Variants in BNC2 observed in about 807,000 individuals in gnomAD.
BNC2 encodes the protein zinc finger protein basonuclin-2.
In BNC2, 20 loss-of-function variants were observed where a neutral mutation model predicts 76.3. That is an observed-to-expected ratio of 0.26 (90% CI 0.18 to 0.38). The LOEUF is 0.38. BNC2 is among the 10% of genes least tolerant of loss of function. The pLI, the probability that BNC2 is intolerant of heterozygous loss-of-function variation, is 1.00. For synonymous variants in BNC2, 582 were observed against 514.8 expected (o/e 1.13, Z -1.77); for missense variants, 1,382 against 1,399.8 (o/e 0.99, Z 0.20).
intron 4 of BNC2, among the ~76,000 whole-genome samples, chr9:16,563,056 C>T (rs1683183393): frequency 6.6e-6 from 1 of 152,044 alleles, no homozygotes; most frequent in Admixed American, 6.6e-5. Context: ...GTGAACTCAG[C>T]TTTTTCTAAT....
intron 3 of BNC2, among the ~76,000 whole-genome samples, chr9:16,657,919 GC>G: frequency 6.6e-6 from 1 of 152,200 alleles, no homozygotes; most frequent in South Asian, 2.1e-4. Context: ...TGATGTTCCT[GC>G]TTTTTGTAAT....
chr9:16,612,232 C>A lies in BNC2; in HGVS notation c.331-29147G>T, dbSNP rs549280037. On this transcript the variant is annotated intron_variant, in intron 3 of 6. Coordinates refer to ENST00000380672, the MANE Select transcript of BNC2 (RefSeq NM_017637.6). Reference sequence around the variant, plus strand: ...ATGCAATCCTCCAGCCTGACTAGCCCCTTTCATTCACAAATAAACAATTAA... The same window carrying A: ...ATGCAATCCTCCAGCCTGACTAGCCACTTTCATTCACAAATAAACAATTAA... 3.3e-5 allele frequency among the ~76,000 whole-genome samples: 5 copies of A among 152,222 alleles called. No homozygotes were observed. In the East Asian group the frequency reaches 9.7e-4, roughly 29 times the overall value.
chr9:16,744,290 G>C (rs1824938045), intron 1 of BNC2, among the ~76,000 whole-genome samples: 1 of 152,062 alleles, frequency 6.6e-6, no homozygotes, highest in South Asian at 2.1e-4. Flanking sequence ...TTTTAAGGTT[G>C]AAAAATATTT....
At chr9:16,543,070 A>T (rs1289002314) in intron 5 of BNC2, among the ~76,000 whole-genome samples, 1 of 152,138 alleles carries the variant, frequency 6.6e-6, no homozygotes, top group African/African-American at 2.4e-5. Flanking sequence ...AGAAAAGGAC[A>T]CAGTAGCTCA....
chr9:16,522,584 G>C (rs1360165480), intron 5 of BNC2, among the ~76,000 whole-genome samples: 2 of 152,090 alleles, frequency 1.3e-5, no homozygotes, highest in Non-Finnish European at 2.9e-5. Context: ...ACTGAGACTT[G>C]ATAACCTGAA....
At chr9:16,597,337 A>G (rs1410796087) in intron 3 of BNC2, among the ~76,000 whole-genome samples, 2 of 152,164 alleles carry the variant, frequency 1.3e-5, no homozygotes, top group African/African-American at 4.8e-5. Flanking sequence ...TTTAAACACA[A>G]ACAGTCAAGC....
intron 1 of BNC2, among the ~76,000 whole-genome samples, chr9:16,842,205 T>A (rs933225855): frequency 2.0e-5 from 3 of 152,212 alleles, no homozygotes; most frequent in Non-Finnish European, 4.4e-5. Context: ...ATTTTTAGTA[T>A]CTTGCAAACT....
chr9:16,562,864 A>G (rs78595633), intron 4 of BNC2, among the ~76,000 whole-genome samples: 8,249 of 152,238 alleles, frequency 0.054, 800 homozygotes, highest in African/African-American at 0.19. Flanking sequence ...TATATATTAT[A>G]GTACATAATT....
intron 3 of BNC2, among the ~76,000 whole-genome samples, chr9:16,639,865 T>G (rs1587263976): frequency 1.3e-5 from 2 of 152,016 alleles, no homozygotes; most frequent in African/African-American, 4.8e-5. Context: ...AAGGCTTCAG[T>G]GAGCTATGAT....
intron 2 of BNC2, among the ~76,000 whole-genome samples, chr9:16,734,296 T>A (rs1426144389): frequency 6.6e-6 from 1 of 152,240 alleles, no homozygotes; most frequent in African/African-American, 2.4e-5. Context: ...ACGCCTATAT[T>A]CTATTGCTTA....
At chr9:16,845,460 A>G (rs139634486) in intron 1 of BNC2, among the ~76,000 whole-genome samples, 3,204 of 151,100 alleles carry the variant, frequency 0.021, 83 homozygotes, top group African/African-American at 0.059. Context: ...GGTGGCTCAC[A>G]CCTGTAATCC....
chr9:16,691,351 C>T (rs1221379344), intron 3 of BNC2, among the ~76,000 whole-genome samples: 1 of 152,142 alleles, frequency 6.6e-6, no homozygotes, highest in Non-Finnish European at 1.5e-5. Flanking sequence ...AGACAAAGTT[C>T]TCTCAATGAC....
intron 1 of BNC2, among the ~76,000 whole-genome samples, chr9:16,765,910 C>T (rs1043836843): frequency 6.6e-5 from 10 of 151,974 alleles, no homozygotes; most frequent in African/African-American, 1.2e-4. Context: ...CCTCAGCCTC[C>T]GGAGTAGCTG....
At chr9:16,609,785 T>C (rs1201621058) in intron 3 of BNC2, among the ~76,000 whole-genome samples, 1 of 152,152 alleles carries the variant, frequency 6.6e-6, no homozygotes, top group Non-Finnish European at 1.5e-5. Flanking sequence ...GACAAAACTG[T>C]TGCTCTTCCC....
At position 16,415,184 on chromosome 9, in the gene BNC2, C is replaced by A. The variant is rs917106556; in HGVS notation, c.*3805G>T. The A allele has an allele frequency of 6.6e-6, 1 of 152,306 alleles. No individual in the cohort carries two copies. The highest frequency in any genetic ancestry group is 2.4e-5 in the African/African-American group (1 of 41,450). The allele number at this position is 152,306 out of a possible 1,614,324, so 9.4% of individuals were successfully genotyped here. A position where few individuals can be genotyped will look rare whatever the true frequency, so the allele number is the denominator to read the frequency against. ...TCTGGAATGAGTTACATTGGGTTGA[C>A]TTATTTAAATACAATTAATATCAGA... On this transcript the variant is annotated 3_prime_UTR_variant, in exon 7 of 7. Coordinates refer to ENST00000380672, the MANE Select transcript of BNC2 (RefSeq NM_017637.6).
intron 1 of BNC2, among the ~76,000 whole-genome samples, chr9:16,777,752 C>T (rs777078167): frequency 2.7e-5 from 4 of 149,864 alleles, no homozygotes; most frequent in Non-Finnish European, 4.4e-5. Context: ...GTCAGAATCA[C>T]GCATGACTGT....
intron 3 of BNC2, among the ~76,000 whole-genome samples, chr9:16,585,319 T>C (rs1819738524): frequency 6.6e-6 from 1 of 152,182 alleles, no homozygotes; most frequent in Admixed American, 6.5e-5. Context: ...ACACATTTGG[T>C]ACATTCGGGA....
chr9:16,783,537 T>A (rs1826207419), intron 1 of BNC2, among the ~76,000 whole-genome samples: 1 of 152,234 alleles, frequency 6.6e-6, no homozygotes, highest in Admixed American at 6.5e-5. Flanking sequence ...AAAGCTCAGG[T>A]TGTCTAATGA....
chr9:16,611,711 C>T (rs1355855868), intron 3 of BNC2, among the ~76,000 whole-genome samples: 2 of 152,150 alleles, frequency 1.3e-5, no homozygotes, highest in Non-Finnish European at 2.9e-5. Context: ...GTAAGACCAG[C>T]TTGTAAGGCT....
Sources: allele counts gnomAD v4.1 joint callset (sites outside exome capture counted in the v4.1 genomes callset), GRCh38; gene constraint gnomAD v4.1.1; transcripts MANE v1.5; gene names NCBI Gene and HGNC (gene_info 2026-07-23, HGNC 2026-07-21).